Variants in ZBTB41 observed in about 807,000 individuals in gnomAD.
The protein encoded by ZBTB41 is zinc finger and BTB domain-containing protein 41.
A neutral mutation model predicts 87.6 loss-of-function variants in ZBTB41; 42 were observed. The ratio of observed to expected loss-of-function variants is 0.48; its 90% CI spans 0.37 to 0.62. The LOEUF (loss-of-function observed/expected upper bound fraction) is 0.62. Among genes scored for constraint, ZBTB41 ranks in the 20% least tolerant of loss-of-function variants. The probability of loss-of-function intolerance (pLI) is 0.00; values close to 1 mark genes in which losing one functional copy is unlikely to be tolerated. For missense variants in ZBTB41, 799 were observed against 1,078.9 expected (o/e 0.74, Z 3.63); for synonymous variants, 364 against 364.0 (o/e 1.00, Z 0.00).
At chr1:197,164,802 A>ACG (rs1557975135) in intron 10 of ZBTB41, among the ~76,000 whole-genome samples, 2 of 82,502 alleles carry the variant, frequency 2.4e-5, no homozygotes, top group African/African-American at 9.8e-5. Flanking sequence ...CATATATAAT[A>ACG]TATTATATAT....
chr1:197,181,534 T>C (rs528449466), intron 5 of ZBTB41, among the ~76,000 whole-genome samples: 364 of 152,268 alleles, frequency 2.4e-3, no homozygotes, highest in African/African-American at 8.5e-3. Flanking sequence ...AGGCCTCTCA[T>C]AGTAACACTG....
intron 5 of ZBTB41, among the ~76,000 whole-genome samples, chr1:197,187,521 ATGGAAATG>A (rs372339588): frequency 2.6e-5 from 4 of 152,262 alleles, no homozygotes; most frequent in Non-Finnish European, 4.4e-5. Flanking sequence ...TACTAATACA[ATGGAAATG>A]TGATGTAAAT....
At position 197,181,959 on chromosome 1, in the gene ZBTB41, A is replaced by C. The variant is rs144967050; in HGVS notation, c.1547-842T>G. The stretch of plus-strand genomic sequence containing the variant: ...TAAAACCTCTAATATTTCATTTTTC[A>C]TGGGATCTAAATATTTTACTCATTT... On this transcript the variant is annotated intron_variant, in intron 5 of 10. Coordinates refer to ENST00000367405, the MANE Select transcript of ZBTB41 (RefSeq NM_194314.3). Among the ~76,000 whole-genome samples the C allele has an allele frequency of 3.7e-3, 565 of 152,274 alleles. 3 individuals are homozygous for C. Among genetic ancestry groups the C allele is most frequent in the African/African-American group, 0.013 (535 of 41,572 alleles).
chr1:197,168,238 T>C (rs888499972), intron 10 of ZBTB41, among the ~76,000 whole-genome samples: 2 of 152,044 alleles, frequency 1.3e-5, no homozygotes, highest in Non-Finnish European at 2.9e-5. Context: ...CAAATCATCT[T>C]TGAAAAAAAT....
intron 2 of ZBTB41, 76 bp downstream of exon 2, chr1:197,199,278 A>C (rs145837128): frequency 7.4e-7 from 1 of 1,358,120 alleles, no homozygotes; most frequent in East Asian, 2.6e-5. Flanking sequence ...TTCCAAGTTT[A>C]GTTTTTATTT....
At chr1:197,184,665 G>A (rs1659837057) in intron 5 of ZBTB41, among the ~76,000 whole-genome samples, 1 of 151,938 alleles carries the variant, frequency 6.6e-6, no homozygotes, top group African/African-American at 2.4e-5. Context: ...CACATTATTG[G>A]TTCACACTGT....
chr1:197,168,759 G>A lies in ZBTB41; in HGVS notation c.2074+3401C>T, dbSNP rs115959849. ...TATAAAGAAAAAAATGGTACATGAC[G>A]TCTTTAAACTTCAAAACCTTTGTTC... On this transcript the variant is annotated intron_variant, in intron 10 of 10. Transcript: ENST00000367405. Among the ~76,000 whole-genome samples, 980 of 152,114 alleles carry A rather than the reference G, an allele frequency of 6.4e-3. 12 individuals are homozygous for A. Among genetic ancestry groups the A allele is most frequent in the African/African-American group, 0.022 (926 of 41,534 alleles).
intron 5 of ZBTB41, among the ~76,000 whole-genome samples, chr1:197,184,715 A>T (rs973870070): frequency 6.6e-6 from 1 of 152,192 alleles, no homozygotes; most frequent in Non-Finnish European, 1.5e-5. Flanking sequence ...CTGTAAAGTG[A>T]GTAGTTTGGA....
intron 2 of ZBTB41, among the ~76,000 whole-genome samples, chr1:197,195,330 T>A (rs1156235909): frequency 6.6e-6 from 1 of 152,194 alleles, no homozygotes; most frequent in Non-Finnish European, 1.5e-5. Context: ...ATGAACAAAT[T>A]TGACCTTATA....
At chr1:197,175,186 C>A in intron 8 of ZBTB41, 71 bp from the exon 9 acceptor site, 2 of 1,292,332 alleles carry the variant, frequency 1.5e-6, no homozygotes, top group Admixed American at 1.9e-5. Flanking sequence ...AACAAACTAT[C>A]AAACAGTAAG....
At chr1:197,170,263 G>A (rs202098646) in intron 10 of ZBTB41, among the ~76,000 whole-genome samples, 2 of 146,884 alleles carry the variant, frequency 1.4e-5, no homozygotes, top group Non-Finnish European at 3.0e-5. Context: ...ATCCCAACAA[G>A]GAAAAAAAAA....
At chr1:197,176,220 G>A (rs1659603515) in intron 8 of ZBTB41, among the ~76,000 whole-genome samples, 1 of 151,928 alleles carries the variant, frequency 6.6e-6, no homozygotes, top group African/African-American at 2.4e-5. Flanking sequence ...ATCAAAATGA[G>A]AAAAATTATC....
Position 197,200,465 on chromosome 1 carries a change from C to T in ZBTB41, c.9G>A (p.Lys3=). 2 of 1,587,186 alleles carry T rather than the reference C, an allele frequency of 1.3e-6. No individual in the cohort carries two copies. Among genetic ancestry groups the T allele is most frequent in the African/African-American group, 1.4e-5 (1 of 73,732 alleles). The stretch of plus-strand genomic sequence containing the variant: ...CAAGATTTGAAGTAACCTTTCTCCT[C>T]TTCTTCATTGCAGTACAGCAATTTC... The part of the protein sequence containing the change: MK[K]RRKVTSNLEK... The change falls in exon 2 of 11, where the codon AAG becomes AAA. Residue 3 remains lysine (K), a synonymous_variant. Transcript: ENST00000367405.
rs777881202 is a variant in ZBTB41 at position 197,199,406 on chromosome 1, G to A, written c.1068C>T (p.Ser356=). Residue 356 remains serine (S), a synonymous_variant, in exon 2 of 11, where the codon AGC becomes AGT. Transcript: ENST00000367405. ...TAGGACACTGCAATATTTTTTTGTT[G>A]CTGTTCTGAATGACCACTGGAGTTA... ...EGLTPVVIQN[S]NKKILQCPKC... 6.3e-7 allele frequency: 1 copy of A among 1,587,688 alleles called. No individual in the cohort carries two copies. Among genetic ancestry groups the A allele is most frequent in the Non-Finnish European group, 8.5e-7 (1 of 1,172,140 alleles).
chr1:197,191,941 C>T (rs770012967), intron 2 of ZBTB41, 42 bp from the exon 3 acceptor site: 14 of 1,466,390 alleles, frequency 9.5e-6, no homozygotes, highest in Admixed American at 2.2e-5. Flanking sequence ...AGTACATTTG[C>T]TATACTGTGA....
At chr1:197,170,023 GT>G (rs1162543808) in intron 10 of ZBTB41, among the ~76,000 whole-genome samples, 16 of 151,890 alleles carry the variant, frequency 1.1e-4, no homozygotes, top group Admixed American at 9.8e-4. Context: ...TATTTATTGA[GT>G]GCCAAACTCT....
rs1301109759 is a variant in ZBTB41 at position 197,156,263 on chromosome 1, T to TA, written c.*3095dup. 4 of 152,082 alleles carry TA rather than the reference T, an allele frequency of 2.6e-5. No individual in the cohort carries two copies. The East Asian group carries it at 7.7e-4, about 29-fold the overall frequency. 9.4% of individuals were successfully genotyped at this position (152,082 alleles called of 1,614,324 possible). A position where few individuals can be genotyped will look rare whatever the true frequency, so the allele number is the denominator to read the frequency against. ...CTTCAACTGTGCTTCTTTGGACAAA[T>TA]AGTTATTCAAGCAAGAAAGAATTTA... On this transcript the variant is annotated 3_prime_UTR_variant, in exon 11 of 11. Transcript: ENST00000367405.
intron 10 of ZBTB41, among the ~76,000 whole-genome samples, chr1:197,166,296 T>C (rs1659342906): frequency 6.6e-6 from 1 of 151,926 alleles, no homozygotes; most frequent in African/African-American, 2.4e-5. Context: ...CAAAACCTAG[T>C]GGTTCTTTCA....
chr1:197,200,661 T>A (rs191589311), intron 1 of ZBTB41, 71 bp from the exon 2 acceptor site: 1 of 471,734 alleles, frequency 2.1e-6, no homozygotes, highest in East Asian at 3.2e-5. Flanking sequence ...ACGGCAATCA[T>A]CAACGAATTC....
Sources: gnomAD v4.1 joint callset for allele counts (sites outside exome capture counted in the v4.1 genomes callset) on GRCh38, gnomAD v4.1.1 for gene constraint, MANE v1.5 for transcripts, NCBI Gene and HGNC (gene_info 2026-07-23, HGNC 2026-07-21) for gene names.